Variants in TRPM1 observed in about 807,000 individuals in gnomAD.
The protein encoded by TRPM1 is TRPM1-203 APA Isoform, Intron 10.
Under a neutral mutation model 149.4 loss-of-function variants are expected in TRPM1, and 113 were observed. The ratio of observed to expected loss-of-function variants is 0.76; its 90% CI spans 0.65 to 0.88. The LOEUF (loss-of-function observed/expected upper bound fraction) is 0.88, where lower values mean the gene tolerates loss of function less well. Among genes scored for constraint, TRPM1 ranks in the 40% least tolerant of loss-of-function variants. The pLI is 0.00. For synonymous variants in TRPM1, 741 were observed against 759.5 expected (o/e 0.98, Z 0.40); for missense variants, 1,976 against 2,038.7 (o/e 0.97, Z 0.59).
At chr15:31,114,351 G>A (rs1167463048) in intron 1 of TRPM1, among the ~76,000 whole-genome samples, 1 of 152,144 alleles carries the variant, frequency 6.6e-6, no homozygotes, top group African/African-American at 2.4e-5. Flanking sequence ...ACATGATCTT[G>A]TTCTTTTTTA....
intron 27 of TRPM1, among the ~76,000 whole-genome samples, chr15:31,004,783 T>C (rs2031924229): frequency 6.6e-6 from 1 of 152,156 alleles, no homozygotes; most frequent in Non-Finnish European, 1.5e-5. Flanking sequence ...TACTTCTGAG[T>C]AAGACTTGGT....
chr15:31,148,356 G>C (rs1352491176), intron 1 of TRPM1, among the ~76,000 whole-genome samples: 1 of 152,240 alleles, frequency 6.6e-6, no homozygotes, highest in Non-Finnish European at 1.5e-5. Context: ...TCCAAAGGGG[G>C]TTGGGGGCTG....
At chr15:31,071,981 ATATATAT>A (rs2034558023) in intron 3 of TRPM1, among the ~76,000 whole-genome samples, 4 of 66,942 alleles carry the variant, frequency 6.0e-5, no homozygotes, top group East Asian at 3.1e-4. Context: ...AAAAAAAAAC[ATATATAT>A]ATATATATAT....
At chr15:31,097,685 T>A (rs17228136) in intron 1 of TRPM1, among the ~76,000 whole-genome samples, 1 of 151,776 alleles carries the variant, frequency 6.6e-6, no homozygotes, top group African/African-American at 2.4e-5. Context: ...CCATTATGAA[T>A]TGAAAAAAAA....
chr15:31,107,735 A>G (rs1178170953), intron 1 of TRPM1, among the ~76,000 whole-genome samples: 1 of 151,902 alleles, frequency 6.6e-6, no homozygotes, highest in African/African-American at 2.4e-5. Flanking sequence ...CATCCAATAT[A>G]GTTTTTCATA....
intron 1 of TRPM1, among the ~76,000 whole-genome samples, chr15:31,154,931 A>C (rs1248397254): frequency 6.6e-6 from 1 of 151,952 alleles, no homozygotes. Context: ...GCTTCCCCCC[A>C]CCCACCAAGT....
In TRPM1 at chr15:31,038,120, A is replaced by G; in HGVS notation, c.2363T>C (p.Phe788Ser). 6.2e-7 allele frequency: 1 copy of G among 1,614,184 alleles called. No homozygotes were observed. The highest frequency in any genetic ancestry group is 8.5e-7 in the Non-Finnish European group (1 of 1,180,004). ...LLPPTILFLE[F>S]RTYDDFSYQT... Reference sequence around the variant, plus strand: ...ATACGAGAAATCATCATATGTGCGAAATTCCAAAAACAAGATGGTGGGGGG... The same window carrying G: ...ATACGAGAAATCATCATATGTGCGAGATTCCAAAAACAAGATGGTGGGGGG... The change falls in exon 19 of 28, where the codon TTT becomes TCT. Residue 788 changes from phenylalanine (F) to serine (S), a missense_variant. By Grantham distance (155) the Phe-to-Ser change is radical. Around this residue, in one of 3 missense-constraint regions of TRPM1, gnomAD observed 1,332 missense variants for 1,347.1 expected, o/e 0.99. Coordinates refer to ENST00000256552, the MANE Select transcript of TRPM1 (RefSeq NM_001252024.2).
At chr15:31,086,779 A>C (rs950252597) in intron 1 of TRPM1, among the ~76,000 whole-genome samples, 4 of 152,240 alleles carry the variant, frequency 2.6e-5, no homozygotes, top group Non-Finnish European at 4.4e-5. Flanking sequence ...AAGTGTATAT[A>C]TCTGACAACC....
At chr15:31,052,781 C>T (rs1416025814) in intron 11 of TRPM1, among the ~76,000 whole-genome samples, 1 of 151,974 alleles carries the variant, frequency 6.6e-6, no homozygotes, top group East Asian at 1.9e-4. Flanking sequence ...ATCTCAAAAA[C>T]TAATTAATTA....
chr15:31,105,456 TGTGTGTGTGTGTGTGTGC>T (rs1159149308), upstream of TRPM1, among the ~76,000 whole-genome samples: 1 of 47,946 alleles, frequency 2.1e-5, no homozygotes, highest in Non-Finnish European at 4.5e-5. Context: ...TGTGTGTGTG[TGTGTGTGTGTGTGTGTGC>T]GCGCGCGCGC....
At chr15:31,024,727 C>T (rs1483076675) in intron 27 of TRPM1, among the ~76,000 whole-genome samples, 1 of 152,162 alleles carries the variant, frequency 6.6e-6, no homozygotes, top group Admixed American at 6.5e-5. Context: ...GTTAAAATTA[C>T]GTTCAAGTTA....
At chr15:31,037,166 C>T (rs2033426124) in intron 20 of TRPM1, among the ~76,000 whole-genome samples, 1 of 152,248 alleles carries the variant, frequency 6.6e-6, no homozygotes, top group South Asian at 2.1e-4. Flanking sequence ...TAGAGAGCCA[C>T]ACTCTGGGAG....
chr15:31,113,658 T>C (rs777658884), intron 1 of TRPM1, among the ~76,000 whole-genome samples: 1 of 152,204 alleles, frequency 6.6e-6, no homozygotes, highest in African/African-American at 2.4e-5. Context: ...ACTAGTTTTT[T>C]GCCCTCCATC....
chr15:31,021,605 A>T (rs990677066), intron 27 of TRPM1, among the ~76,000 whole-genome samples: 1 of 151,868 alleles, frequency 6.6e-6, no homozygotes, highest in African/African-American at 2.4e-5. Context: ...CTGAGGCAGT[A>T]GACTCACTTG....
chr15:31,031,889 C>T (rs2033097229), intron 22 of TRPM1, among the ~76,000 whole-genome samples: 1 of 152,098 alleles, frequency 6.6e-6, no homozygotes, highest in Non-Finnish European at 1.5e-5. Flanking sequence ...TTCCTGTGTT[C>T]ACTCCAGGCC....
rs181787499 is a variant in TRPM1 at position 31,121,583 on chromosome 15, C to G, written c.54+39323G>C. On this transcript the variant is annotated intron_variant, in intron 1 of 26. Coordinates refer to the TRPM1 transcript ENST00000542188. The stretch of plus-strand genomic sequence containing the variant: ...AATTTAATAGCTTAGATGAAATGAA[C>G]AAATTCCTTGAAACACACAATCTTT... 2.0e-4 allele frequency among the ~76,000 whole-genome samples: 30 copies of G among 152,186 alleles called. No individual in the cohort carries two copies. The East Asian group carries it at 5.4e-3, about 27-fold the overall frequency.
chr15:31,026,952 C>G lies in TRPM1; in HGVS notation c.3459G>C (p.Lys1153Asn). Residue 1153 changes from lysine to asparagine, a missense_variant, in exon 26 of 28, where the codon AAG (lysine) becomes AAC (asparagine). This residue lies in a region of TRPM1 where 572 missense variants were observed against 578.9 expected (regional missense o/e 0.99). Transcript: ENST00000256552. ...IMRLSGRCRK[K>N]REGDQEERDR... Reference sequence around the variant, plus strand: ...CCCGTTCCTCTTGGTCCCCTTCTCTCTTTTTCCTGCAGCGGCCGCTGAGAC... The same window carrying G: ...CCCGTTCCTCTTGGTCCCCTTCTCTGTTTTTCCTGCAGCGGCCGCTGAGAC... 6.2e-7 allele frequency: 1 copy of G among 1,614,138 alleles called. No individual in the cohort carries two copies. Among genetic ancestry groups the G allele is most frequent in the Non-Finnish European group, 8.5e-7 (1 of 1,180,028 alleles).
chr15:31,112,088 G>T (rs1040650511), intron 1 of TRPM1, among the ~76,000 whole-genome samples: 2 of 152,218 alleles, frequency 1.3e-5, no homozygotes, highest in Admixed American at 1.3e-4. Context: ...GAGAGTGTGA[G>T]CATACAGAGC....
chr15:31,100,373 C>G (rs2035487893), intron 1 of TRPM1, among the ~76,000 whole-genome samples: 1 of 151,998 alleles, frequency 6.6e-6, no homozygotes, highest in Non-Finnish European at 1.5e-5. Flanking sequence ...TCGCGCCTGG[C>G]CCTGCAAATA....
Sources: gnomAD v4.1 joint callset for allele counts (sites outside exome capture counted in the v4.1 genomes callset) on GRCh38, gnomAD v4.1.1 for gene constraint, gnomAD v4.1.1 regional missense constraint, MANE v1.5 for transcripts, NCBI Gene and HGNC (gene_info 2026-07-23, HGNC 2026-07-21) for gene names.